RBFOX1: variants seen among roughly 807,000 people sequenced by gnomAD.
RBFOX1 encodes RNA binding protein fox-1 homolog 1.
In RBFOX1, 8 loss-of-function variants were observed where a neutral mutation model predicts 57.7. The observed-to-expected ratio is 0.14, with a 90% CI of 0.08 to 0.25. RBFOX1 has a LOEUF of 0.25. RBFOX1 is among the 10% of genes least tolerant of loss of function. The pLI is 1.00. For synonymous variants in RBFOX1, 326 were observed against 222.4 expected (o/e 1.47, Z -4.15); for missense variants, 611 against 548.5 (o/e 1.11, Z -1.14).
chr16:7,188,580 T>A (rs888193207), intron 4 of RBFOX1, among the ~76,000 whole-genome samples: 1 of 152,226 alleles, frequency 6.6e-6, no homozygotes, highest in East Asian at 1.9e-4. Flanking sequence ...TATTTTATAC[T>A]CTAAGCAATT....
At chr16:6,557,585 G>A (rs775876753) in intron 2 of RBFOX1, among the ~76,000 whole-genome samples, 1 of 152,204 alleles carries the variant, frequency 6.6e-6, no homozygotes, top group Non-Finnish European at 1.5e-5. Context: ...TTCTGTGGGT[G>A]TTGCCGAAGT....
At chr16:6,775,216 G>T (rs993214783) in intron 3 of RBFOX1, among the ~76,000 whole-genome samples, 1 of 148,492 alleles carries the variant, frequency 6.7e-6, no homozygotes, top group Admixed American at 6.8e-5. Context: ...GACGCCTGTA[G>T]TCCCAGCTAC....
intron 4 of RBFOX1, among the ~76,000 whole-genome samples, chr16:7,341,693 A>C (rs1422498555): frequency 2.1e-5 from 3 of 144,576 alleles, no homozygotes; most frequent in Non-Finnish European, 3.0e-5. Context: ...CAATGGTCCT[A>C]CCTTCCTTCC....
At chr16:6,139,011 C>T (rs1161808803) in intron 1 of RBFOX1, among the ~76,000 whole-genome samples, 1 of 152,152 alleles carries the variant, frequency 6.6e-6, no homozygotes, top group African/African-American at 2.4e-5. Flanking sequence ...TGTGGGGCAC[C>T]ATCTTGAAGT....
At chr16:5,962,523 A>C (rs1440945870) in intron 4 of RBFOX1, among the ~76,000 whole-genome samples, 1 of 152,080 alleles carries the variant, frequency 6.6e-6, no homozygotes, top group Non-Finnish European at 1.5e-5. Flanking sequence ...CTCTGGCCTA[A>C]AATGTCTTTA....
intron 5 of RBFOX1, among the ~76,000 whole-genome samples, chr16:7,576,434 A>C (rs568501233): frequency 1.3e-5 from 2 of 152,192 alleles, no homozygotes; most frequent in South Asian, 4.2e-4. Flanking sequence ...CTACTTCCTA[A>C]CACTCTTCTT....
At chr16:7,032,581 CTGTT>C (rs35455847) in intron 3 of RBFOX1, among the ~76,000 whole-genome samples, 71,460 of 151,310 alleles carry the variant, frequency 0.47, 18,324 homozygotes, top group East Asian at 0.6. Flanking sequence ...ACAGCTATTT[CTGTT>C]TGTTTGTTTG....
chr16:6,336,933 A>G (rs76764840), intron 2 of RBFOX1, among the ~76,000 whole-genome samples: 1,964 of 152,298 alleles, frequency 0.013, 35 homozygotes, highest in African/African-American at 0.045. Context: ...TTGGCAATCT[A>G]CTATCTGCAA....
intron 3 of RBFOX1, among the ~76,000 whole-genome samples, chr16:6,831,230 C>T (rs530557412): frequency 6.6e-6 from 1 of 152,300 alleles, no homozygotes; most frequent in African/African-American, 2.4e-5. Flanking sequence ...TAAACCTTGG[C>T]TTGACTTGGT....
At chr16:6,475,868 C>G (rs1157919272) in intron 2 of RBFOX1, among the ~76,000 whole-genome samples, 1 of 152,146 alleles carries the variant, frequency 6.6e-6, no homozygotes, top group African/African-American at 2.4e-5. Context: ...AAAGGATAAT[C>G]TACGTCGCAT....
rs553058789 is a variant in RBFOX1 at position 7,183,929 on chromosome 16, A to G, written c.27+131831A>G. ...GGGGATAGATGGGAATTAATAAACC[A>G]ATAAAGAGAGGCTAAAATTTCAGAC... On this transcript the variant is annotated intron_variant, in intron 4 of 15. Coordinates refer to ENST00000550418, the MANE Select transcript of RBFOX1 (RefSeq NM_018723.4). Among the ~76,000 whole-genome samples, 4 of 152,274 alleles carry G rather than the reference A, an allele frequency of 2.6e-5. No homozygotes were observed. The South Asian group carries it at 8.3e-4, about 32-fold the overall frequency.
chr16:5,971,920 G>T (rs948991587), intron 4 of RBFOX1, among the ~76,000 whole-genome samples: 2 of 152,216 alleles, frequency 1.3e-5, no homozygotes, highest in Non-Finnish European at 2.9e-5. Context: ...CATCCAGTCA[G>T]CTGAAGGCCT....
At chr16:7,092,792 A>C (rs576431524) in intron 4 of RBFOX1, among the ~76,000 whole-genome samples, 10 of 152,208 alleles carry the variant, frequency 6.6e-5, no homozygotes, top group Non-Finnish European at 1.3e-4. Flanking sequence ...ATTGCAGTTC[A>C]CAAGTTTGGT....
intron 3 of RBFOX1, among the ~76,000 whole-genome samples, chr16:6,886,159 T>G (rs1339194261): frequency 1.3e-5 from 2 of 151,638 alleles, no homozygotes; most frequent in Non-Finnish European, 2.9e-5. Context: ...CCCCCAGGGT[T>G]CAAGTGACTC....
intron 4 of RBFOX1, among the ~76,000 whole-genome samples, chr16:7,097,416 C>T (rs1227626938): frequency 6.6e-6 from 1 of 152,128 alleles, no homozygotes; most frequent in Non-Finnish European, 1.5e-5. Context: ...CCCCATCTCC[C>T]ATGCAACACC....
intron 4 of RBFOX1, among the ~76,000 whole-genome samples, chr16:7,165,466 G>C (rs1332097602): frequency 6.6e-6 from 1 of 150,582 alleles, no homozygotes; most frequent in Non-Finnish European, 1.5e-5. Context: ...TTTCGCTCTT[G>C]TTCCCCAGGC....
intron 4 of RBFOX1, among the ~76,000 whole-genome samples, chr16:7,202,057 C>T (rs1015775828): frequency 6.6e-6 from 1 of 152,078 alleles, no homozygotes; most frequent in African/African-American, 2.4e-5. Context: ...GGTCTTTCTC[C>T]TAGAGCCGCT....
intron 3 of RBFOX1, among the ~76,000 whole-genome samples, chr16:6,929,965 A>G (rs2076236858): frequency 6.6e-6 from 1 of 152,190 alleles, no homozygotes; most frequent in Admixed American, 6.5e-5. Flanking sequence ...AGGAATCAGA[A>G]TGACTGGCAA....
At chr16:7,531,262 T>G (rs528048111) in intron 5 of RBFOX1, among the ~76,000 whole-genome samples, 1 of 152,106 alleles carries the variant, frequency 6.6e-6, no homozygotes, top group Non-Finnish European at 1.5e-5. Context: ...AAATAGAAAC[T>G]TCTTGGGCTG....
Sources: gnomAD v4.1 joint callset for allele counts (sites outside exome capture counted in the v4.1 genomes callset) on GRCh38, gnomAD v4.1.1 for gene constraint, MANE v1.5 for transcripts, NCBI Gene and HGNC (gene_info 2026-07-23, HGNC 2026-07-21) for gene names.